Variants in HIPK2 observed in about 807,000 individuals in gnomAD.
The protein encoded by HIPK2 is homeodomain interacting protein kinase 2.
Under a neutral mutation model 113.7 loss-of-function variants are expected in HIPK2, and 27 were observed. The ratio of observed to expected loss-of-function variants is 0.24; its 90% CI spans 0.17 to 0.33. The LOEUF is 0.33. Ranked by LOEUF, HIPK2 falls within the 10% of genes least tolerant of loss-of-function variation. The pLI is 1.00. For missense variants in HIPK2, 1,257 were observed against 1,588.0 expected, an observed-to-expected ratio of 0.79 and a Z score of 3.54; for synonymous variants, 631 against 642.2, an observed-to-expected ratio of 0.98 and a Z score of 0.26.
In HIPK2 at chr7:139,689,264, C is replaced by T. The variant is rs545919963; in HGVS notation, c.1103+26668G>A. On this transcript the variant is annotated intron_variant, in intron 2 of 14. Coordinates refer to ENST00000406875, the MANE Select transcript of HIPK2 (RefSeq NM_022740.5). ...GGAAATGCAATCAGAGAAAAGCGGT[C>T]ATATTTTGTTGGCGTTAACAGGGCT... Among the ~76,000 whole-genome samples, 7 of 152,258 alleles carry T rather than the reference C, an allele frequency of 4.6e-5. No individual in the cohort carries two copies. The South Asian group carries it at 1.0e-3, about 23-fold the overall frequency.
In HIPK2 at chr7:139,570,781, G is replaced by A. The variant is rs1223670244; in HGVS notation, c.*2146C>T. ...CCGCTGACTCGGGAAAGATCTCTTT[G>A]CACCTTGGAAACCTGCCTGTGGGGT... On this transcript the variant is annotated 3_prime_UTR_variant, in exon 15 of 15. Coordinates refer to ENST00000406875, the MANE Select transcript of HIPK2 (RefSeq NM_022740.5). 1 of 152,472 alleles carries A rather than the reference G, an allele frequency of 6.6e-6. No individual in the cohort carries two copies. The highest frequency in any genetic ancestry group is 1.5e-5 in the Non-Finnish European group (1 of 68,064). 9.4% of individuals were successfully genotyped at this position (152,472 alleles called of 1,614,324 possible).
rs1253273912 is a variant in HIPK2, at chr7:139,697,956, G to A, written c.1103+17976C>T. Among the ~76,000 whole-genome samples the A allele has an allele frequency of 4.1e-5, 6 of 147,358 alleles. No homozygotes were observed. In the South Asian group the frequency reaches 8.4e-4, roughly 21 times the overall value. The stretch of plus-strand genomic sequence containing the variant: ...ACGATCTTGGCTCACTGCAGCCTCC[G>A]CCTCCTAGGCTCAAGTGATTCTCAT... On this transcript the variant is annotated intron_variant, in intron 2 of 14. Coordinates refer to ENST00000406875, the MANE Select transcript of HIPK2 (RefSeq NM_022740.5).
intron 2 of HIPK2, among the ~76,000 whole-genome samples, chr7:139,700,145 C>T (rs914152692): frequency 6.6e-6 from 1 of 152,136 alleles, no homozygotes; most frequent in East Asian, 1.9e-4. Flanking sequence ...GGAGGGCTGA[C>T]GTGAGACTGC....
At chr7:139,712,891 A>G (rs1373123415) in intron 2 of HIPK2, among the ~76,000 whole-genome samples, 1 of 152,172 alleles carries the variant, frequency 6.6e-6, no homozygotes, top group African/African-American at 2.4e-5. Context: ...GGAGAAACAG[A>G]ACATTGCACC....
At chr7:139,575,048 G>A (rs1011691152) in intron 14 of HIPK2, 80 bp downstream of exon 14, 5 of 1,476,350 alleles carry the variant, frequency 3.4e-6, no homozygotes, top group East Asian at 4.9e-5. Context: ...GTGAGGGGCC[G>A]CCACAGCAAT....
chr7:139,652,423 G>A (rs1187301081), intron 2 of HIPK2, among the ~76,000 whole-genome samples: 1 of 152,172 alleles, frequency 6.6e-6, no homozygotes, highest in South Asian at 2.1e-4. Flanking sequence ...TATTTATTGA[G>A]CTCCCAGCAT....
chr7:139,662,259 T>C (rs1801891402), intron 2 of HIPK2, among the ~76,000 whole-genome samples: 1 of 152,232 alleles, frequency 6.6e-6, no homozygotes, highest in Admixed American at 6.5e-5. Flanking sequence ...TCACAGAATT[T>C]CACACACTTG....
intron 2 of HIPK2, among the ~76,000 whole-genome samples, chr7:139,657,153 G>A (rs1801699318): frequency 6.6e-6 from 1 of 152,186 alleles, no homozygotes; most frequent in Non-Finnish European, 1.5e-5. Context: ...TTACAGGCAT[G>A]AGCCCCCATG....
At chr7:139,610,636 C>T (rs1243789892) in intron 9 of HIPK2, among the ~76,000 whole-genome samples, 3 of 152,176 alleles carry the variant, frequency 2.0e-5, no homozygotes, top group African/African-American at 7.2e-5. Context: ...TCATTCTGGA[C>T]CTAAGCACAG....
intron 2 of HIPK2, among the ~76,000 whole-genome samples, chr7:139,633,940 G>A (rs938484239): frequency 7.0e-5 from 10 of 141,930 alleles, no homozygotes; most frequent in Admixed American, 6.2e-4. Context: ...GTAAGAGTCC[G>A]TCGCAAAAAG....
At chr7:139,766,907 A>G (rs1489294873) in intron 1 of HIPK2, among the ~76,000 whole-genome samples, 2 of 152,218 alleles carry the variant, frequency 1.3e-5, no homozygotes, top group African/African-American at 4.8e-5. Context: ...GCTCTGAATG[A>G]ACAAGAGAAA....
At chr7:139,757,196 GC>G (rs1455097858) in intron 1 of HIPK2, among the ~76,000 whole-genome samples, 1 of 152,176 alleles carries the variant, frequency 6.6e-6, no homozygotes, top group South Asian at 2.1e-4. Flanking sequence ...ATATTGACCA[GC>G]ACAAACCACA....
chr7:139,590,153 T>C (rs1279212637), intron 12 of HIPK2, among the ~76,000 whole-genome samples: 8 of 152,202 alleles, frequency 5.3e-5, no homozygotes, highest in South Asian at 4.1e-4. Flanking sequence ...CTAGTTATTA[T>C]TGACAGCTTA....
chr7:139,763,743 G>C (rs1023351728), intron 1 of HIPK2, among the ~76,000 whole-genome samples: 24 of 152,238 alleles, frequency 1.6e-4, no homozygotes, highest in African/African-American at 4.8e-4. Flanking sequence ...AAAGGTGTTT[G>C]TAACCCCAAA....
intron 1 of HIPK2, among the ~76,000 whole-genome samples, chr7:139,746,989 C>T (rs927830247): frequency 6.6e-6 from 1 of 152,186 alleles, no homozygotes; most frequent in Non-Finnish European, 1.5e-5. Context: ...GAAAAAGAGG[C>T]AATTTTTAAA....
intron 7 of HIPK2, among the ~76,000 whole-genome samples, chr7:139,619,604 T>A (rs1025565381): frequency 6.6e-6 from 1 of 152,198 alleles, no homozygotes; most frequent in African/African-American, 2.4e-5. Flanking sequence ...ATTTTCTCCA[T>A]GACTCGGAGA....
chr7:139,648,889 C>T (rs1585325196), intron 2 of HIPK2, among the ~76,000 whole-genome samples: 2 of 151,734 alleles, frequency 1.3e-5, no homozygotes, highest in South Asian at 2.1e-4. Flanking sequence ...ATTAGTGATT[C>T]GATTTTTCTA....
intron 2 of HIPK2, among the ~76,000 whole-genome samples, chr7:139,670,489 G>A (rs1441601729): frequency 6.6e-6 from 1 of 151,424 alleles, no homozygotes; most frequent in Non-Finnish European, 1.5e-5. Flanking sequence ...GCTACTCCAG[G>A]AGGATTGCTT....
intron 2 of HIPK2, among the ~76,000 whole-genome samples, chr7:139,715,591 T>A (rs1444011655): frequency 6.6e-6 from 1 of 152,186 alleles, no homozygotes; most frequent in Non-Finnish European, 1.5e-5. Context: ...TTCCCACTAG[T>A]GTGACTGCGG....
Sources: gnomAD v4.1 joint callset for allele counts (sites outside exome capture counted in the v4.1 genomes callset) on GRCh38, gnomAD v4.1.1 for gene constraint, MANE v1.5 for transcripts, NCBI Gene and HGNC (gene_info 2026-07-23, HGNC 2026-07-21) for gene names.